MMP26: variants seen among roughly 807,000 people sequenced by gnomAD.
MMP26 encodes the protein matrix metalloproteinase-26.
MMP26 carries 33 observed loss-of-function variants against 31.0 expected under a neutral mutation model. The ratio of observed to expected loss-of-function variants is 1.06; its 90% CI spans 0.81 to 1.42. MMP26 has a LOEUF of 1.42. MMP26 is among the 40% of genes most tolerant of loss of function. The pLI is 0.00. For missense variants in MMP26, 347 were observed against 316.1 expected (o/e 1.10, Z -0.74); for synonymous variants, 122 against 114.9 (o/e 1.06, Z -0.40).
intron 2 of MMP26, chr11:4,881,902 G>A (rs368635635): frequency 7.5e-6 from 12 of 1,610,680 alleles, no homozygotes; most frequent in South Asian, 6.6e-5. Flanking sequence ...AACCAACCAT[G>A]GCAATATTCA....
At chr11:4,956,619 A>G (rs771326057) in intron 2 of MMP26, among the ~76,000 whole-genome samples, 5 of 152,176 alleles carry the variant, frequency 3.3e-5, no homozygotes, top group Non-Finnish European at 5.9e-5. Flanking sequence ...CATTCAAGGA[A>G]GTGTTGCAGG....
intron 2 of MMP26, among the ~76,000 whole-genome samples, chr11:4,809,490 T>C (rs1050640135): frequency 1.3e-5 from 2 of 152,220 alleles, no homozygotes; most frequent in African/African-American, 2.4e-5. Flanking sequence ...TGAGAATAGT[T>C]AAGTTCATCA....
At chr11:4,804,130 A>G in intron 2 of MMP26, 1 of 1,614,134 alleles carries the variant, frequency 6.2e-7, no homozygotes. Flanking sequence ...TATGGCCAAC[A>G]TCTTAGGTTG....
intron 2 of MMP26, among the ~76,000 whole-genome samples, chr11:4,858,903 TCA>T (rs1457482811): frequency 2.0e-5 from 3 of 152,084 alleles, no homozygotes; most frequent in Non-Finnish European, 2.9e-5. Context: ...AACAGAGCCC[TCA>T]GAATTAATAC....
chr11:4,762,795 C>T (rs115932501), intron 1 of MMP26, among the ~76,000 whole-genome samples: 352 of 152,070 alleles, frequency 2.3e-3, no homozygotes, highest in African/African-American at 7.8e-3. Flanking sequence ...TTTTCTTTGC[C>T]GAGAGTAAAG....
At chr11:4,805,849 C>T (rs1190428270) in intron 2 of MMP26, among the ~76,000 whole-genome samples, 1 of 152,106 alleles carries the variant, frequency 6.6e-6, no homozygotes, top group Non-Finnish European at 1.5e-5. Flanking sequence ...TTTTGGTGAT[C>T]ACTATCAATC....
At chr11:4,847,008 C>T (rs558390874) in intron 2 of MMP26, among the ~76,000 whole-genome samples, 56 of 152,304 alleles carry the variant, frequency 3.7e-4, no homozygotes, top group African/African-American at 1.3e-3. Flanking sequence ...TGGCTCCAGG[C>T]TCTGAATTTG....
intron 2 of MMP26, among the ~76,000 whole-genome samples, chr11:4,816,271 G>A (rs1023945599): frequency 6.6e-6 from 1 of 152,104 alleles, no homozygotes; most frequent in African/African-American, 2.4e-5. Context: ...GTTAAGACTC[G>A]TTCTGTGGCC....
chr11:4,940,936 A>G (rs1436340517), intron 2 of MMP26, among the ~76,000 whole-genome samples: 1 of 152,180 alleles, frequency 6.6e-6, no homozygotes, highest in Admixed American at 6.5e-5. Context: ...CCAATTGGAA[A>G]TTATACTCCC....
chr11:4,728,083 G>C (rs534564826), intron 1 of MMP26, among the ~76,000 whole-genome samples: 135 of 152,166 alleles, frequency 8.9e-4, no homozygotes, highest in African/African-American at 3.2e-3. Context: ...GTAAAATTCA[G>C]TAATTTGAAT....
At chr11:4,777,832 AC>A (rs1336195926) in intron 2 of MMP26, among the ~76,000 whole-genome samples, 1 of 151,920 alleles carries the variant, frequency 6.6e-6, no homozygotes, top group African/African-American at 2.4e-5. Context: ...ACCTTAATTA[AC>A]TTTTCCATCC....
intron 2 of MMP26, among the ~76,000 whole-genome samples, chr11:4,790,616 G>A (rs923927004): frequency 6.6e-6 from 1 of 152,132 alleles, no homozygotes; most frequent in Admixed American, 6.5e-5. Context: ...CCAGAATGAG[G>A]GTGGTGTATG....
chr11:4,858,641 T>C (rs1850094020), intron 2 of MMP26, among the ~76,000 whole-genome samples: 2 of 152,152 alleles, frequency 1.3e-5, no homozygotes, highest in South Asian at 2.1e-4. Flanking sequence ...AAAATGGCCA[T>C]ACTGCCCAAA....
At chr11:4,951,171 A>C (rs1846369315) in intron 2 of MMP26, among the ~76,000 whole-genome samples, 2 of 124,730 alleles carry the variant, frequency 1.6e-5, no homozygotes, top group South Asian at 4.8e-4. Flanking sequence ...TTAATTGACT[A>C]TGATGTTAAC....
intron 2 of MMP26, among the ~76,000 whole-genome samples, chr11:4,849,653 T>C (rs1849945765): frequency 6.6e-6 from 1 of 152,136 alleles, no homozygotes; most frequent in Admixed American, 6.5e-5. Flanking sequence ...CTTTAACTGT[T>C]CTTATTAAGT....
chr11:4,919,635 T>A (rs1851152261), intron 2 of MMP26, among the ~76,000 whole-genome samples: 1 of 152,086 alleles, frequency 6.6e-6, no homozygotes, highest in African/African-American at 2.4e-5. Context: ...GCAGAGTGGG[T>A]GCTATTGATA....
At chr11:4,882,596 C>A (rs775048791) in intron 2 of MMP26, 1 of 1,613,842 alleles carries the variant, frequency 6.2e-7, no homozygotes, top group South Asian at 1.1e-5. Flanking sequence ...CATTGTGGCC[C>A]GAAAGAAGCA....
chr11:4,893,053 C>T (rs1385089584), intron 2 of MMP26, among the ~76,000 whole-genome samples: 1 of 151,934 alleles, frequency 6.6e-6, no homozygotes, highest in African/African-American at 2.4e-5. Context: ...ATACCTTGGG[C>T]TTTGTTCTCA....
At chr11:4,784,857 A>G (rs1295063892) in intron 2 of MMP26, among the ~76,000 whole-genome samples, 4 of 152,212 alleles carry the variant, frequency 2.6e-5, no homozygotes, top group Non-Finnish European at 5.9e-5. Flanking sequence ...ACTGAGTACA[A>G]TGTTATGTTT....
Sources: gnomAD v4.1 joint callset for allele counts (sites outside exome capture counted in the v4.1 genomes callset) on GRCh38, gnomAD v4.1.1 for gene constraint, MANE v1.5 for transcripts, NCBI Gene and HGNC (gene_info 2026-07-23, HGNC 2026-07-21) for gene names.